The following C19orf18 variants were observed in gnomAD, a reference collection of about 807,000 sequenced individuals.
C19orf18 encodes the protein chromosome 19 open reading frame 18.
A neutral mutation model predicts 23.3 loss-of-function variants in C19orf18; 21 were observed. The observed-to-expected ratio is 0.90, with a 90% CI of 0.64 to 1.30. The LOEUF is 1.30. C19orf18 is among the 50% of genes most tolerant of loss of function. The pLI is 0.00. For missense variants in C19orf18, 249 were observed against 259.6 expected (o/e 0.96, Z 0.28); for synonymous variants, 96 against 95.2 (o/e 1.01, Z -0.05).
At chr19:57,973,333 T>A (rs922136025) in intron 2 of C19orf18, among the ~76,000 whole-genome samples, 9 of 151,826 alleles carry the variant, frequency 5.9e-5, no homozygotes, top group Non-Finnish European at 1.0e-4. Context: ...CCACAAAGGG[T>A]TGCTGAGCTT....
At chr19:57,963,778 T>A (rs2072889813) in intron 4 of C19orf18, among the ~76,000 whole-genome samples, 1 of 151,978 alleles carries the variant, frequency 6.6e-6, no homozygotes, top group Admixed American at 6.6e-5. Flanking sequence ...TAGTCCCAGC[T>A]ACTTGGGAGG....
At chr19:57,965,642 G>T (rs1202062571) in intron 4 of C19orf18, among the ~76,000 whole-genome samples, 1 of 152,132 alleles carries the variant, frequency 6.6e-6, no homozygotes, top group Non-Finnish European at 1.5e-5. Context: ...CAGCTACTTG[G>T]GAGGCTGAGG....
At position 57,968,625 on chromosome 19, in the gene C19orf18, G is replaced by A. The variant is rs190578913; in HGVS notation, c.269-1993C>T. Among the ~76,000 whole-genome samples, 8 of 152,224 alleles carry A rather than the reference G, an allele frequency of 5.3e-5. No homozygotes were observed. In the East Asian group the frequency reaches 7.7e-4, roughly 15 times the overall value. On this transcript the variant is annotated intron_variant, in intron 3 of 5. Transcript: ENST00000314391. ...TATTTACAGAGCTAGAGAAATATAT[G>A]AGAAAGTCACCAAGCAGGATGGGAG... is the stretch of plus-strand genomic sequence containing the variant.
intron 4 of C19orf18, among the ~76,000 whole-genome samples, chr19:57,961,912 C>G (rs1172860119): frequency 6.7e-6 from 1 of 149,282 alleles, no homozygotes; most frequent in Admixed American, 6.7e-5. Context: ...CTTTTTCTTT[C>G]TTCTTTCCTC....
chr19:57,966,478 G>C, intron 4 of C19orf18, 52 bp downstream of exon 4: 1 of 1,115,436 alleles, frequency 9.0e-7, no homozygotes, highest in Non-Finnish European at 1.3e-6. Context: ...ATAATCAGTT[G>C]ACTTGTTATG....
In C19orf18 at chr19:57,972,495, G is replaced by A; in HGVS notation, c.236C>T (p.Pro79Leu). The A allele has an allele frequency of 6.2e-7, 1 of 1,614,116 alleles. No individual in the cohort carries two copies. The highest frequency in any genetic ancestry group is 1.7e-5 in the Admixed American group (1 of 60,030). Residue 79 changes from proline to leucine, a missense_variant, in exon 3 of 6, where the codon CCT becomes CTT. Pro to Leu is a moderately conservative substitution (Grantham distance 98). Coordinates refer to ENST00000314391, the MANE Select transcript of C19orf18 (RefSeq NM_152474.5). Reference sequence around the variant, plus strand: ...CCTCAGGAATTTCATGGGGTTCGTAGGGGATGCAGCTAAAAGGCCATCAAA... The same window carrying A: ...CCTCAGGAATTTCATGGGGTTCGTAAGGGATGCAGCTAAAAGGCCATCAAA... Reference protein sequence around the residue: ...GAASRSTAASPTNPMKFLRNK... With the variant: ...GAASRSTAASLTNPMKFLRNK...
At chr19:57,968,423 A>T (rs2072922762) in intron 3 of C19orf18, among the ~76,000 whole-genome samples, 1 of 152,196 alleles carries the variant, frequency 6.6e-6, no homozygotes. Context: ...GGAAGCTGGG[A>T]CACAGGCCAG....
rs950479302 is a variant in C19orf18, at chr19:57,970,533, G to A, written c.268+1930C>T. Among the ~76,000 whole-genome samples the A allele has an allele frequency of 2.6e-5, 4 of 151,824 alleles. No homozygotes were observed. The South Asian group carries it at 6.2e-4, about 24-fold the overall frequency. ...TGTCGAACTTCATTATTTAAGCTTG[G>A]CAGTTTCAATGCACAATTCTTACTA... is the stretch of plus-strand genomic sequence containing the variant. On this transcript the variant is annotated intron_variant, in intron 3 of 5. Transcript: ENST00000314391.
chr19:57,974,455 T>C lies in C19orf18; in HGVS notation c.-23A>G. On this transcript the variant is annotated 5_prime_UTR_variant, in exon 1 of 6. It adds an upstream start codon to the 5' untranslated region. Coordinates refer to ENST00000314391, the MANE Select transcript of C19orf18 (RefSeq NM_152474.5). ...CATCACTCTCAAATTATCAGTATTTTATCCCGTAGATGAAAGGAAATACTT... is the reference window on the plus strand; with the variant it reads ...CATCACTCTCAAATTATCAGTATTTCATCCCGTAGATGAAAGGAAATACTT... 1.9e-6 allele frequency: 3 copies of C among 1,599,554 alleles called. No homozygotes were observed. The highest frequency in any genetic ancestry group is 2.2e-5 in the South Asian group (2 of 91,000).
At chr19:57,969,830 T>A (rs1021098275) in intron 3 of C19orf18, among the ~76,000 whole-genome samples, 1 of 146,046 alleles carries the variant, frequency 6.8e-6, no homozygotes, top group Non-Finnish European at 1.5e-5. Flanking sequence ...TGAGATCGCA[T>A]CATTACACTC....
rs1005401523 is a variant in C19orf18, at chr19:57,974,356, T to C, written c.77A>G (p.Tyr26Cys). 6.2e-7 allele frequency: 1 copy of C among 1,614,160 alleles called. No homozygotes were observed. Residue 26 changes from tyrosine (Y) to cysteine (C), a missense_variant, in exon 1 of 6, where the codon TAT (tyrosine) becomes TGT (cysteine). Physicochemically the swap from Tyr to Cys is radical, Grantham distance 194. Transcript: ENST00000314391. ...TCCAGTGGGATGGAGTCCATCTGCATACGGCAAGCATAAATGAAGTTGGCA... is the reference window on the plus strand; with the variant it reads ...TCCAGTGGGATGGAGTCCATCTGCACACGGCAAGCATAAATGAAGTTGGCA... Reference protein sequence around the residue: ...MECQLHLCLPYADGLHPTGNI... With the variant: ...MECQLHLCLPCADGLHPTGNI...
chr19:57,973,446 C>T (rs182107208), intron 2 of C19orf18, among the ~76,000 whole-genome samples: 13 of 152,120 alleles, frequency 8.5e-5, no homozygotes, highest in African/African-American at 3.1e-4. Flanking sequence ...GAATTCTCGG[C>T]TGGGCATGGT....
intron 4 of C19orf18, among the ~76,000 whole-genome samples, chr19:57,964,079 T>TTC (rs1248879331): frequency 7.9e-5 from 12 of 152,268 alleles, no homozygotes; most frequent in African/African-American, 2.6e-4. Context: ...TTTTTTTGTT[T>TTC]GTTTTCGTTT....
chr19:57,972,872 G>C (rs1300415056), intron 2 of C19orf18, among the ~76,000 whole-genome samples: 14 of 152,106 alleles, frequency 9.2e-5, no homozygotes, highest in Admixed American at 9.2e-4. Context: ...TCATTAGAAG[G>C]TCAGCAAGGG....
At position 57,974,253 on chromosome 19, in the gene C19orf18, T is replaced by C. The variant is rs563132615; in HGVS notation, c.122-50A>G. On this transcript the variant is annotated intron_variant, in intron 1 of 5. Transcript: ENST00000314391. ...GAAATGTAATTACCTTCTTTTTATC[T>C]CCCCTGAAACAGCTTTTCAATTCTC... The C allele has an allele frequency of 1.1e-4, 175 of 1,613,462 alleles. 1 individual carries two copies. The East Asian group carries it at 3.3e-3, about 30-fold the overall frequency.
intron 2 of C19orf18, among the ~76,000 whole-genome samples, chr19:57,973,145 CAAAAAAAAAAAAAAAAAAAAAAAAAAA>C (rs61625681): frequency 8.3e-5 from 2 of 24,164 alleles, no homozygotes; most frequent in East Asian, 2.2e-3. Context: ...GACTCCGTCT[CAAAAAAAAAAAAAAAAAAAAAAAAAAA>C]AAAAAAAAAA....
intron 3 of C19orf18, 51 bp from the exon 4 acceptor site, chr19:57,966,683 T>G: frequency 7.9e-7 from 1 of 1,259,600 alleles, no homozygotes; most frequent in East Asian, 2.3e-5. Context: ...ATTTTAGCTA[T>G]GTCTTTCAGT....
intron 4 of C19orf18, 135 bp from the exon 5 acceptor site, chr19:57,961,686 A>C: frequency 1.1e-6 from 1 of 927,996 alleles, no homozygotes; most frequent in Non-Finnish European, 1.6e-6. Context: ...AACCAGACTA[A>C]TCATGGTCAG....
In C19orf18 at chr19:57,958,650, TTC is replaced by T. The variant is rs776209152; in HGVS notation, c.598_599del (p.Glu200LysfsTer9). The T allele has an allele frequency of 6.2e-7, 1 of 1,608,872 alleles. No individual in the cohort carries two copies. The highest frequency in any genetic ancestry group is 2.2e-5 in the East Asian group (1 of 44,754). On this transcript the variant is annotated frameshift_variant, in exon 6 of 6. Coordinates refer to ENST00000314391, the MANE Select transcript of C19orf18 (RefSeq NM_152474.5). LOFTEE classifies it low-confidence loss of function (END_TRUNC). ...TATGTGACGCATTCTTTGTTTTGTT[TTC>T]TGTTACTGAGTTTTGCTCTTCCTTC... ...KLKEEQNSVT[E>X]NKTKNASHNG... is the part of the protein sequence containing the mutation.
Sources: gnomAD v4.1 joint callset for allele counts (sites outside exome capture counted in the v4.1 genomes callset) on GRCh38, gnomAD v4.1.1 for gene constraint, MANE v1.5 for transcripts, NCBI Gene and HGNC (gene_info 2026-07-23, HGNC 2026-07-21) for gene names.